PRKCA: variants seen among roughly 807,000 people sequenced by gnomAD.
PRKCA encodes protein kinase C alpha type.
PRKCA carries 27 observed loss-of-function variants against 87.0 expected under a neutral mutation model. The ratio of observed to expected loss-of-function variants is 0.31; its 90% confidence interval spans 0.23 to 0.43. The LOEUF (loss-of-function observed/expected upper bound fraction) is 0.43, where lower values mean the gene tolerates loss of function less well. Ranked by LOEUF, PRKCA falls within the 20% of genes least tolerant of loss-of-function variation. The pLI is 1.00. For missense variants in PRKCA, 518 were observed against 852.3 expected, an observed-to-expected ratio of 0.61 and a Z score of 4.88; for synonymous variants, 329 against 311.1, an observed-to-expected ratio of 1.06 and a Z score of -0.61.
intron 2 of PRKCA, among the ~76,000 whole-genome samples, chr17:66,435,758 AG>A (rs1245627803): frequency 3.3e-5 from 5 of 152,000 alleles, no homozygotes; most frequent in African/African-American, 1.2e-4. Context: ...TTTTTGGGGG[AG>A]GGGGGTGGTC....
At chr17:66,602,523 C>T (rs1278239618) in intron 3 of PRKCA, among the ~76,000 whole-genome samples, 5 of 152,066 alleles carry the variant, frequency 3.3e-5, no homozygotes, top group East Asian at 1.9e-4. Flanking sequence ...AGAAATCACC[C>T]GTCTTCTGCG....
intron 2 of PRKCA, among the ~76,000 whole-genome samples, chr17:66,441,015 A>G (rs1913712436): frequency 6.6e-6 from 1 of 151,870 alleles, no homozygotes; most frequent in East Asian, 1.9e-4. Context: ...ACAAAAAATT[A>G]GCCGGGCGTG....
At chr17:66,430,825 G>A (rs1421765103) in intron 2 of PRKCA, among the ~76,000 whole-genome samples, 3 of 152,160 alleles carry the variant, frequency 2.0e-5, no homozygotes, top group Admixed American at 6.5e-5. Context: ...GAAGACGGCT[G>A]TTTTAGGCCA....
At chr17:66,687,928 G>T (rs1229584069) in intron 6 of PRKCA, among the ~76,000 whole-genome samples, 1 of 152,148 alleles carries the variant, frequency 6.6e-6, no homozygotes, top group Non-Finnish European at 1.5e-5. Flanking sequence ...TGTTCTAGAG[G>T]GACCAGCAAG....
chr17:66,462,353 T>G (rs1200674285), intron 2 of PRKCA, among the ~76,000 whole-genome samples: 2 of 152,188 alleles, frequency 1.3e-5, no homozygotes, highest in Non-Finnish European at 2.9e-5. Context: ...GGCCCGCTCA[T>G]GAAAAGTTGA....
In PRKCA at chr17:66,645,628, C is replaced by T. The variant is rs771657978; in HGVS notation, c.529+117C>T. 80 of 1,428,080 alleles carry T rather than the reference C, an allele frequency of 5.6e-5. 1 individual carries two copies. The South Asian group carries it at 9.2e-4, about 16-fold the overall frequency. 88.5% of individuals were successfully genotyped at this position (1,428,080 alleles called of 1,614,324 possible). A position where few individuals can be genotyped will look rare whatever the true frequency, so the allele number is the denominator to read the frequency against. ...GCCCTGAGGCCTCTGGAGAGGCAGTCGCCCTGGTGGAGCCATCACTGTCTC... is the reference window on the plus strand; with the variant it reads ...GCCCTGAGGCCTCTGGAGAGGCAGTTGCCCTGGTGGAGCCATCACTGTCTC... On this transcript the variant is annotated intron_variant, in intron 5 of 16. Coordinates refer to ENST00000413366, the MANE Select transcript of PRKCA (RefSeq NM_002737.3).
At chr17:66,704,914 C>CT (rs1340326670) in intron 8 of PRKCA, among the ~76,000 whole-genome samples, 1 of 152,140 alleles carries the variant, frequency 6.6e-6, no homozygotes, top group Non-Finnish European at 1.5e-5. Context: ...TCTTTGAAGA[C>CT]TTTATCTAGT....
At chr17:66,762,613 C>T (rs924227908) in intron 13 of PRKCA, among the ~76,000 whole-genome samples, 1 of 152,076 alleles carries the variant, frequency 6.6e-6, no homozygotes, top group Non-Finnish European at 1.5e-5. Context: ...TCCCCTGCTG[C>T]GGGGCTTTCT....
intron 2 of PRKCA, among the ~76,000 whole-genome samples, chr17:66,345,633 G>A (rs1907314096): frequency 6.6e-6 from 1 of 152,108 alleles, no homozygotes; most frequent in African/African-American, 2.4e-5. Context: ...GTCAGTGTCA[G>A]GGAGGTGGCT....
At chr17:66,462,200 A>T (rs1331609321) in intron 2 of PRKCA, among the ~76,000 whole-genome samples, 3 of 152,144 alleles carry the variant, frequency 2.0e-5, no homozygotes, top group Non-Finnish European at 4.4e-5. Flanking sequence ...TCAGTGCACA[A>T]GGCCAAACCC....
chr17:66,756,268 T>C (rs1038391211), intron 13 of PRKCA, among the ~76,000 whole-genome samples: 8 of 151,434 alleles, frequency 5.3e-5, no homozygotes, highest in Non-Finnish European at 1.0e-4. Context: ...TCTCCTGGGG[T>C]TTTATCAGAC....
chr17:66,376,462 T>G (rs931930030), intron 2 of PRKCA, among the ~76,000 whole-genome samples: 9 of 152,070 alleles, frequency 5.9e-5, no homozygotes, highest in Non-Finnish European at 1.3e-4. Flanking sequence ...ACAAAAATTA[T>G]CTGGGCATGG....
intron 3 of PRKCA, among the ~76,000 whole-genome samples, chr17:66,539,649 C>T (rs1037188025): frequency 2.0e-5 from 3 of 152,098 alleles, no homozygotes; most frequent in Admixed American, 6.5e-5. Context: ...GTGATCTGCC[C>T]GCCTTGGCCT....
chr17:66,425,717 G>A (rs775249130), intron 2 of PRKCA, among the ~76,000 whole-genome samples: 7 of 152,080 alleles, frequency 4.6e-5, no homozygotes, highest in Admixed American at 1.3e-4. Flanking sequence ...GAAACCCAGC[G>A]ATTCAGTTAG....
At chr17:66,744,665 C>T (rs898360102) in intron 13 of PRKCA, among the ~76,000 whole-genome samples, 2 of 152,184 alleles carry the variant, frequency 1.3e-5, no homozygotes, top group African/African-American at 4.8e-5. Context: ...GTATCATTCA[C>T]GGTATGAGTT....
chr17:66,527,008 C>T (rs1451240812), intron 3 of PRKCA, among the ~76,000 whole-genome samples: 1 of 152,170 alleles, frequency 6.6e-6, no homozygotes. Flanking sequence ...ACAGCCATGT[C>T]CAGTGGTTTG....
intron 13 of PRKCA, among the ~76,000 whole-genome samples, chr17:66,759,926 C>A (rs993512678): frequency 2.0e-5 from 3 of 152,130 alleles, no homozygotes; most frequent in African/African-American, 7.2e-5. Context: ...GAAATACATA[C>A]GGCCAAACAT....
At chr17:66,620,342 G>A (rs1476939724) in intron 3 of PRKCA, among the ~76,000 whole-genome samples, 2 of 152,118 alleles carry the variant, frequency 1.3e-5, no homozygotes, top group Non-Finnish European at 2.9e-5. Context: ...GAGTAGGATT[G>A]CCTCTGGTCA....
intron 2 of PRKCA, among the ~76,000 whole-genome samples, chr17:66,407,043 T>C (rs972780234): frequency 6.6e-6 from 1 of 152,322 alleles, no homozygotes; most frequent in East Asian, 1.9e-4. Context: ...GTTTTAATAT[T>C]TTTACATCAT....
Sources: gnomAD v4.1 joint callset for allele counts (sites outside exome capture counted in the v4.1 genomes callset) on GRCh38, gnomAD v4.1.1 for gene constraint, MANE v1.5 for transcripts, NCBI Gene and HGNC (gene_info 2026-07-23, HGNC 2026-07-21) for gene names.